The following DLGAP2 variants were observed in gnomAD, a reference collection of about 807,000 sequenced individuals.
The protein encoded by DLGAP2 is DLG associated protein 2.
DLGAP2 carries 26 observed loss-of-function variants against 100.3 expected under a neutral mutation model. The observed-to-expected ratio is 0.26, with a 90% CI of 0.19 to 0.36. The LOEUF (loss-of-function observed/expected upper bound fraction) is 0.36, where lower values mean the gene tolerates loss of function less well. DLGAP2 is among the 10% of genes least tolerant of loss of function. The pLI is 1.00. For synonymous variants in DLGAP2, 886 were observed against 630.1 expected, an observed-to-expected ratio of 1.41 and a Z score of -6.08; for missense variants, 1,858 against 1,453.2, an observed-to-expected ratio of 1.28 and a Z score of -4.53.
intron 1 of DLGAP2, chr8:738,513 G>A (rs940595093): frequency 3.3e-5 from 5 of 152,304 alleles, no homozygotes; most frequent in African/African-American, 1.2e-4. Context: ...GCGCTACCCA[G>A]CGCAGGGTTT....
At chr8:840,030 C>T (rs1399980701) in intron 1 of DLGAP2, among the ~76,000 whole-genome samples, 4 of 124,250 alleles carry the variant, frequency 3.2e-5, no homozygotes, top group Non-Finnish European at 3.4e-5. Flanking sequence ...ATTCTGCGAG[C>T]GCGTCCACAC....
At chr8:1,033,312 C>G (rs1349591415) in intron 2 of DLGAP2, among the ~76,000 whole-genome samples, 2 of 152,152 alleles carry the variant, frequency 1.3e-5, no homozygotes, top group Admixed American at 6.5e-5. Flanking sequence ...TTAGAAAACA[C>G]AAGAGCTTCT....
At chr8:900,328 C>T (rs1248705325) in intron 1 of DLGAP2, among the ~76,000 whole-genome samples, 24 of 143,766 alleles carry the variant, frequency 1.7e-4, no homozygotes, top group Admixed American at 3.4e-4. Flanking sequence ...TTCACGGTGT[C>T]GCTCCCGGGT....
chr8:861,989 A>G (rs2128990066), intron 1 of DLGAP2, among the ~76,000 whole-genome samples: 1 of 152,354 alleles, frequency 6.6e-6, no homozygotes, highest in African/African-American at 2.4e-5. Context: ...TCATCCCACC[A>G]ACTGTTTAGA....
At chr8:870,360 T>G (rs1015678943) in intron 1 of DLGAP2, among the ~76,000 whole-genome samples, 2 of 152,138 alleles carry the variant, frequency 1.3e-5, no homozygotes, top group Non-Finnish European at 2.9e-5. Flanking sequence ...TACTGACAGC[T>G]CTTAAAACCG....
chr8:1,514,650 CTG>C (rs1800296462), intron 4 of DLGAP2, among the ~76,000 whole-genome samples: 1 of 152,232 alleles, frequency 6.6e-6, no homozygotes, highest in African/African-American at 2.4e-5. Context: ...CCCTTCACAG[CTG>C]TGTGGCCTCT....
At chr8:1,660,520 A>C (rs1255614264) in intron 8 of DLGAP2, among the ~76,000 whole-genome samples, 2 of 152,186 alleles carry the variant, frequency 1.3e-5, no homozygotes, top group Admixed American at 1.3e-4. Context: ...TGACCTCTGT[A>C]CTCACATGTA....
intron 3 of DLGAP2, among the ~76,000 whole-genome samples, chr8:1,408,876 G>A (rs1003187172): frequency 2.0e-5 from 3 of 152,190 alleles, no homozygotes; most frequent in South Asian, 4.1e-4. Context: ...AGAAAGCTGG[G>A]CAGTGGTGGT....
intron 2 of DLGAP2, among the ~76,000 whole-genome samples, chr8:1,124,289 G>C (rs957707790): frequency 6.6e-6 from 1 of 152,160 alleles, no homozygotes; most frequent in Non-Finnish European, 1.5e-5. Flanking sequence ...GCCTGGAAGC[G>C]GCTCCAGGGT....
Position 821,516 on chromosome 8 carries a change from A to G in DLGAP2, c.18+83691A>G, listed in dbSNP as rs142700888. Among the ~76,000 whole-genome samples, 958 of 152,306 alleles carry G rather than the reference A, an allele frequency of 6.3e-3. 4 individuals carry two copies. The highest frequency in any genetic ancestry group is 7.4e-3 in the Non-Finnish European group (501 of 68,018). The stretch of plus-strand genomic sequence containing the variant: ...GAAAAAATGAGCTGGGAATTTTGTA[A>G]TTTATCAAAAATACATATATTAGCA... On this transcript the variant is annotated intron_variant, in intron 1 of 14. Coordinates refer to ENST00000637795, the MANE Select transcript of DLGAP2 (RefSeq NM_001346810.2).
Position 1,481,780 on chromosome 8 carries a change from AT to A in DLGAP2, c.107-19582del, listed in dbSNP as rs577543293. Among the ~76,000 whole-genome samples, 18 of 152,220 alleles carry A rather than the reference AT, an allele frequency of 1.2e-4. No homozygotes were observed. The East Asian group carries it at 3.3e-3, about 28-fold the overall frequency. On this transcript the variant is annotated intron_variant, in intron 3 of 14. Transcript: ENST00000637795. ...GGCATGAGTCACCGCACCAGGCCAG[AT>A]TTTATTTTCTAAGACATGAGACTCC...
At chr8:1,386,622 T>G (rs1796226599) in intron 3 of DLGAP2, among the ~76,000 whole-genome samples, 1 of 152,090 alleles carries the variant, frequency 6.6e-6, no homozygotes, top group Non-Finnish European at 1.5e-5. Flanking sequence ...TCAGGAAGAT[T>G]CGGAGGATGT....
chr8:1,171,836 C>A (rs1327481344), intron 2 of DLGAP2, among the ~76,000 whole-genome samples: 1 of 152,092 alleles, frequency 6.6e-6, no homozygotes, highest in East Asian at 1.9e-4. Flanking sequence ...ACTCTTTATC[C>A]AATTTGCCAG....
intron 1 of DLGAP2, among the ~76,000 whole-genome samples, chr8:884,709 C>G (rs1797887924): frequency 6.6e-6 from 1 of 151,846 alleles, no homozygotes; most frequent in African/African-American, 2.4e-5. Context: ...TTTGCCCTTG[C>G]CTATGTCCTG....
At chr8:1,470,381 A>G (rs1260143407) in intron 3 of DLGAP2, among the ~76,000 whole-genome samples, 1 of 152,138 alleles carries the variant, frequency 6.6e-6, no homozygotes, top group African/African-American at 2.4e-5. Context: ...AGTCCACCAC[A>G]GTGGGAGCTG....
intron 2 of DLGAP2, among the ~76,000 whole-genome samples, chr8:1,020,728 C>T (rs745667551): frequency 3.9e-5 from 6 of 152,206 alleles, no homozygotes; most frequent in African/African-American, 7.2e-5. Context: ...TAAAGAGTAG[C>T]CATCTGTGTG....
intron 3 of DLGAP2, among the ~76,000 whole-genome samples, chr8:1,267,590 A>AAATAAAATAAAATAAAATAAAAT (rs1563051952): frequency 9.5e-5 from 3 of 31,574 alleles, no homozygotes; most frequent in African/African-American, 3.5e-4. Context: ...AAATAAAATA[A>AAATAAAATAAAATAAAATAAAAT]GATAAGATAA....
intron 2 of DLGAP2, among the ~76,000 whole-genome samples, chr8:1,210,146 G>A (rs1328879039): frequency 1.3e-5 from 2 of 152,074 alleles, no homozygotes; most frequent in African/African-American, 2.4e-5. Flanking sequence ...AGATTTACAC[G>A]TCACCCCCCA....
chr8:1,046,536 A>G (rs1227346181), intron 2 of DLGAP2, among the ~76,000 whole-genome samples: 1 of 152,172 alleles, frequency 6.6e-6, no homozygotes, highest in Non-Finnish European at 1.5e-5. Context: ...CTAAGTAAGA[A>G]TCCACATTGC....
Sources: gnomAD v4.1 joint callset for allele counts (sites outside exome capture counted in the v4.1 genomes callset) on GRCh38, gnomAD v4.1.1 for gene constraint, MANE v1.5 for transcripts, NCBI Gene and HGNC (gene_info 2026-07-23, HGNC 2026-07-21) for gene names.